Variants in FABP7 observed in about 807,000 individuals in gnomAD.
FABP7 encodes fatty acid-binding protein, brain.
FABP7 carries 13 observed loss-of-function variants against 14.2 expected under a neutral mutation model. The observed-to-expected ratio is 0.91, with a 90% CI of 0.59 to 1.45. The LOEUF (loss-of-function observed/expected upper bound fraction) is 1.45. Ranked by LOEUF, FABP7 falls within the 40% of genes most tolerant of loss-of-function variation. The pLI is 0.00. For missense variants in FABP7, 149 were observed against 157.6 expected (o/e 0.95, Z 0.29); for synonymous variants, 49 against 51.4 (o/e 0.95, Z 0.20).
At chr6:122,783,052 T>C (rs746224214) in intron 3 of FABP7, 8 of 985,320 alleles carry the variant, frequency 8.1e-6, no homozygotes, top group Non-Finnish European at 9.6e-6. Flanking sequence ...TATACTATAC[T>C]CCTGAACATC....
chr6:122,776,607 A>G (rs921422866), upstream of FABP7, among the ~76,000 whole-genome samples: 5 of 152,216 alleles, frequency 3.3e-5, no homozygotes, highest in African/African-American at 1.2e-4. Flanking sequence ...CTTTGATACC[A>G]CAACAGGTTT....
upstream of FABP7, among the ~76,000 whole-genome samples, chr6:122,777,492 G>A (rs749972752): frequency 9.9e-5 from 15 of 152,090 alleles, no homozygotes; most frequent in Non-Finnish European, 1.9e-4. Flanking sequence ...ACAACTGACA[G>A]GCATTCATGT....
chr6:122,759,290 T>A, the FABP7 span, among the ~76,000 whole-genome samples: 1 of 152,204 alleles, frequency 6.6e-6, no homozygotes, highest in African/African-American at 2.4e-5. Flanking sequence ...AGGGTGTGTG[T>A]CAGCTATGCA....
chr6:122,755,133 T>C, the FABP7 span, among the ~76,000 whole-genome samples: 1 of 152,124 alleles, frequency 6.6e-6, no homozygotes, highest in Non-Finnish European at 1.5e-5. Context: ...TTACTCACCT[T>C]GCCAATACTT....
At chr6:122,765,486 T>C in the FABP7 span, among the ~76,000 whole-genome samples, 28 of 152,176 alleles carry the variant, frequency 1.8e-4, no homozygotes, top group African/African-American at 3.6e-4. Context: ...TGCATATATT[T>C]TATATTCCAG....
chr6:122,765,165 A>G, the FABP7 span, among the ~76,000 whole-genome samples: 63 of 152,250 alleles, frequency 4.1e-4, no homozygotes, highest in African/African-American at 1.4e-3. Context: ...CAATTCTGCA[A>G]TGGAAAAGAC....
intron 2 of FABP7, 76 bp downstream of exon 2, chr6:122,780,539 T>C (rs1467486488): frequency 7.0e-7 from 1 of 1,435,512 alleles, no homozygotes; most frequent in East Asian, 2.3e-5. Flanking sequence ...GCATGTTTTT[T>C]TTAAGATGTT....
chr6:122,778,934 GA>G (rs1780718264), upstream of FABP7, among the ~76,000 whole-genome samples: 1 of 152,158 alleles, frequency 6.6e-6, no homozygotes, highest in Admixed American at 6.5e-5. Flanking sequence ...AGATCGGGGG[GA>G]AAAGCATTCT....
the FABP7 span, among the ~76,000 whole-genome samples, chr6:122,755,848 A>C: frequency 1.3e-5 from 2 of 152,102 alleles, no homozygotes; most frequent in Non-Finnish European, 2.9e-5. Flanking sequence ...ACAGATGAAA[A>C]AATTCACACA....
chr6:122,783,575 G>A, intron 3 of FABP7, 142 bp from the exon 4 acceptor site: 1 of 1,388,028 alleles, frequency 7.2e-7, no homozygotes, highest in Non-Finnish European at 9.3e-7. Flanking sequence ...CTCTTTTCAA[G>A]ATGTGAAATG....
At chr6:122,760,779 A>C in the FABP7 span, among the ~76,000 whole-genome samples, 1 of 152,146 alleles carries the variant, frequency 6.6e-6, no homozygotes, top group Admixed American at 6.5e-5. Context: ...TATTTAAATC[A>C]AACAATTTTG....
chr6:122,768,794 C>T, the FABP7 span, among the ~76,000 whole-genome samples: 1 of 151,990 alleles, frequency 6.6e-6, no homozygotes, highest in Non-Finnish European at 1.5e-5. Context: ...TTAGAAAATA[C>T]TTTAATAAGC....
At chr6:122,754,729 G>C in the FABP7 span, among the ~76,000 whole-genome samples, 1 of 149,700 alleles carries the variant, frequency 6.7e-6, no homozygotes, top group Admixed American at 6.7e-5. Context: ...CCTCTTTTCC[G>C]TCCCCACTTG....
At chr6:122,762,177 A>C in the FABP7 span, among the ~76,000 whole-genome samples, 1 of 152,208 alleles carries the variant, frequency 6.6e-6, no homozygotes, top group Non-Finnish European at 1.5e-5. Context: ...CAGCACATCA[A>C]AAAGCGTATC....
chr6:122,750,412 T>C, the FABP7 span, among the ~76,000 whole-genome samples: 1 of 152,196 alleles, frequency 6.6e-6, no homozygotes, highest in Admixed American at 6.5e-5. Context: ...ACACATTTTA[T>C]GTAATAAATA....
chr6:122,755,836 C>T, the FABP7 span, among the ~76,000 whole-genome samples: 35 of 152,040 alleles, frequency 2.3e-4, 1 homozygote, highest in African/African-American at 5.5e-4. Context: ...CCCAGCCAAA[C>T]GACAGATGAA....
chr6:122,782,716 T>C (rs1246756167), intron 3 of FABP7: 2 of 985,434 alleles, frequency 2.0e-6, no homozygotes, highest in Admixed American at 1.2e-4. Context: ...TGTTTAAGAA[T>C]GGGGACTCAT....
chr6:122,764,248 T>G, the FABP7 span, among the ~76,000 whole-genome samples: 1 of 152,114 alleles, frequency 6.6e-6, no homozygotes, highest in Non-Finnish European at 1.5e-5. Context: ...GGGACATGGA[T>G]GAAGCTGGAA....
At chr6:122,753,578 G>A in the FABP7 span, among the ~76,000 whole-genome samples, 4,081 of 152,204 alleles carry the variant, frequency 0.027, 135 homozygotes, top group East Asian at 0.12. Flanking sequence ...TACTGTCACC[G>A]ATAGAGGGTC....
Sources: allele counts gnomAD v4.1 joint callset (sites outside exome capture counted in the v4.1 genomes callset), GRCh38; gene constraint gnomAD v4.1.1; transcripts MANE v1.5; gene names NCBI Gene and HGNC (gene_info 2026-07-23, HGNC 2026-07-21).